TRAPPC9: variants seen among roughly 807,000 people sequenced by gnomAD.
TRAPPC9 encodes the protein trafficking protein particle complex subunit 9, also known as IKK2 binding protein.
TRAPPC9 carries 83 observed loss-of-function variants against 124.0 expected under a neutral mutation model. The ratio of observed to expected loss-of-function variants is 0.67; its 90% CI spans 0.56 to 0.80. The LOEUF (loss-of-function observed/expected upper bound fraction) is 0.80, where lower values mean the gene tolerates loss of function less well. Ranked by LOEUF, TRAPPC9 falls within the 30% of genes least tolerant of loss-of-function variation. The pLI, the probability that TRAPPC9 is intolerant of heterozygous loss-of-function variation, is 0.00. For synonymous variants in TRAPPC9, 638 were observed against 617.5 expected (o/e 1.03, Z -0.49); for missense variants, 1,302 against 1,508.3 (o/e 0.86, Z 2.27).
intron 17 of TRAPPC9, among the ~76,000 whole-genome samples, chr8:140,044,872 A>C (rs1292842887): frequency 6.6e-6 from 1 of 152,224 alleles, no homozygotes; most frequent in African/African-American, 2.4e-5. Flanking sequence ...ATTCACTCTA[A>C]AGACTAAGAA....
intron 8 of TRAPPC9, among the ~76,000 whole-genome samples, chr8:140,368,618 A>C (rs146455680): frequency 6.6e-6 from 1 of 152,282 alleles, no homozygotes; most frequent in African/African-American, 2.4e-5. Context: ...CCAGAGCAGA[A>C]GTGCCCTCCC....
At chr8:139,867,327 C>A (rs1453350632) in intron 21 of TRAPPC9, among the ~76,000 whole-genome samples, 1 of 152,192 alleles carries the variant, frequency 6.6e-6, no homozygotes, top group Admixed American at 6.5e-5. Flanking sequence ...TCAGGATAAT[C>A]TGGGTATCGA....
At chr8:140,064,851 C>T (rs1027977266) in intron 17 of TRAPPC9, among the ~76,000 whole-genome samples, 1 of 152,118 alleles carries the variant, frequency 6.6e-6, no homozygotes, top group Non-Finnish European at 1.5e-5. Context: ...CAAAAGACTC[C>T]CCCCATTCAC....
At chr8:140,264,611 G>GGA (rs142320121) in intron 15 of TRAPPC9, among the ~76,000 whole-genome samples, 12,711 of 133,380 alleles carry the variant, frequency 0.095, 990 homozygotes, top group African/African-American at 0.2. Flanking sequence ...GAGGGGGAAG[G>GGA]GAGAGAGAGA....
At chr8:139,827,810 A>G (rs937937841) in intron 21 of TRAPPC9, among the ~76,000 whole-genome samples, 11 of 152,192 alleles carry the variant, frequency 7.2e-5, no homozygotes, top group Admixed American at 1.3e-4. Flanking sequence ...TGCAGGCTGT[A>G]CAGGGAGCAT....
chr8:140,264,885 G>C (rs1455807094), intron 15 of TRAPPC9, among the ~76,000 whole-genome samples: 1 of 152,136 alleles, frequency 6.6e-6, no homozygotes, highest in African/African-American at 2.4e-5. Flanking sequence ...TGTGTTCTGG[G>C]ATGACCACGT....
At chr8:139,833,276 C>A (rs1371448015) in intron 21 of TRAPPC9, among the ~76,000 whole-genome samples, 1 of 152,202 alleles carries the variant, frequency 6.6e-6, no homozygotes, top group African/African-American at 2.4e-5. Context: ...TAGCCCCCTT[C>A]CCCCAGCCGA....
chr8:139,748,357 G>A (rs1819083744), intron 21 of TRAPPC9, among the ~76,000 whole-genome samples: 1 of 115,946 alleles, frequency 8.6e-6, no homozygotes, highest in Non-Finnish European at 1.7e-5. Flanking sequence ...GGTACACACA[G>A]CAGGAGTCAG....
chr8:140,366,291 A>T (rs1039118293), intron 8 of TRAPPC9, among the ~76,000 whole-genome samples: 18 of 152,128 alleles, frequency 1.2e-4, no homozygotes, highest in Non-Finnish European at 2.1e-4. Context: ...CTATTATAAA[A>T]TTTTTTAATA....
In TRAPPC9 at chr8:140,126,790, C is replaced by A. The variant is rs1163662087; in HGVS notation, c.2556+94669G>T. 3.3e-5 allele frequency among the ~76,000 whole-genome samples: 5 copies of A among 152,348 alleles called. No individual in the cohort carries two copies. In the East Asian group the frequency reaches 9.6e-4, roughly 29 times the overall value. The stretch of plus-strand genomic sequence containing the variant: ...GTGGAAGGGAAGCCTTGAAATCCTG[C>A]AGGGTGGGCCTAGCGTGGCAGGTGT... On this transcript the variant is annotated intron_variant, in intron 17 of 22. Transcript: ENST00000438773.
At chr8:139,943,969 A>T (rs1455746006) in intron 19 of TRAPPC9, among the ~76,000 whole-genome samples, 1 of 152,192 alleles carries the variant, frequency 6.6e-6, no homozygotes, top group African/African-American at 2.4e-5. Context: ...TGGAGGCACA[A>T]GAATGAGGCC....
chr8:139,945,270 A>G lies in TRAPPC9; in HGVS notation c.2811-34970T>C, dbSNP rs147784244. ...CGGATTGCAAAAGGCATCCTTTGCAAATAGTATGCTTGTATTACCATACTG... is the reference window on the plus strand; with the variant it reads ...CGGATTGCAAAAGGCATCCTTTGCAGATAGTATGCTTGTATTACCATACTG... On this transcript the variant is annotated intron_variant, in intron 19 of 22. Transcript: ENST00000438773. 1.5e-3 allele frequency among the ~76,000 whole-genome samples: 221 copies of G among 152,342 alleles called. 1 individual carries two copies. The highest frequency in any genetic ancestry group is 2.6e-3 in the Non-Finnish European group (179 of 68,038).
intron 21 of TRAPPC9, among the ~76,000 whole-genome samples, chr8:139,879,748 G>A (rs1829564445): frequency 6.6e-6 from 1 of 152,230 alleles, no homozygotes; most frequent in Non-Finnish European, 1.5e-5. Context: ...AAAGAAACCA[G>A]GGAGATTTTA....
At position 139,859,537 on chromosome 8, in the gene TRAPPC9, C is replaced by T. The variant is rs1320966400; in HGVS notation, c.3055+26342G>A. Among the ~76,000 whole-genome samples, 4 of 152,118 alleles carry T rather than the reference C, an allele frequency of 2.6e-5. No individual in the cohort carries two copies. In the East Asian group the frequency reaches 5.8e-4, roughly 22 times the overall value. On this transcript the variant is annotated intron_variant, in intron 21 of 22. Coordinates refer to ENST00000438773, the MANE Select transcript of TRAPPC9 (RefSeq NM_001160372.4). ...GCTTCTCCCTGATGACATCATGACA[C>T]TTTCTCCATTCCAAAAAAGAGAATG...
intron 21 of TRAPPC9, among the ~76,000 whole-genome samples, chr8:139,861,353 G>A (rs1022110968): frequency 4.6e-5 from 7 of 152,160 alleles, no homozygotes; most frequent in South Asian, 2.1e-4. Context: ...GCCGGGGTAT[G>A]AGCCAGAGTG....
At chr8:140,184,431 C>T (rs1289702429) in intron 17 of TRAPPC9, among the ~76,000 whole-genome samples, 1 of 151,752 alleles carries the variant, frequency 6.6e-6, no homozygotes, top group African/African-American at 2.4e-5. Context: ...TCTTAAATAC[C>T]TTTATTATTT....
At chr8:140,128,616 G>A (rs549029199) in intron 17 of TRAPPC9, among the ~76,000 whole-genome samples, 1 of 152,366 alleles carries the variant, frequency 6.6e-6, no homozygotes, top group South Asian at 2.1e-4. Flanking sequence ...TTGTACGGCA[G>A]ATCCTCAAAA....
intron 19 of TRAPPC9, among the ~76,000 whole-genome samples, chr8:139,937,567 G>A (rs1181284599): frequency 6.6e-6 from 1 of 152,124 alleles, no homozygotes; most frequent in African/African-American, 2.4e-5. Context: ...GGGGCCAGTG[G>A]GGCCAGGAGA....
intron 21 of TRAPPC9, among the ~76,000 whole-genome samples, chr8:139,861,994 G>A (rs528019018): frequency 5.9e-5 from 9 of 152,348 alleles, no homozygotes; most frequent in East Asian, 1.9e-4. Context: ...ACAGATCAGC[G>A]AAGCACTACT....
Sources: allele counts gnomAD v4.1 joint callset (sites outside exome capture counted in the v4.1 genomes callset), GRCh38; gene constraint gnomAD v4.1.1; transcripts MANE v1.5; gene names NCBI Gene and HGNC (gene_info 2026-07-23, HGNC 2026-07-21).